The following TTC3 variants were observed in gnomAD, a reference collection of about 807,000 sequenced individuals.
TTC3 encodes the protein tetratricopeptide repeat domain 3, also known as E3 ubiquitin-protein ligase TTC3.
In TTC3, 180 loss-of-function variants were observed where a neutral mutation model predicts 249.6. That is an observed-to-expected ratio of 0.72 (90% CI 0.64 to 0.82). The LOEUF (loss-of-function observed/expected upper bound fraction) is 0.82. Among genes scored for constraint, TTC3 ranks in the 40% least tolerant of loss-of-function variants. The pLI, the probability that TTC3 is intolerant of heterozygous loss-of-function variation, is 0.00. For synonymous variants in TTC3, 717 were observed against 805.0 expected (o/e 0.89, Z 1.85); for missense variants, 2,061 against 2,398.4 (o/e 0.86, Z 2.94).
chr21:37,122,637 A>G (rs1321545696), intron 12 of TTC3, among the ~76,000 whole-genome samples: 1 of 151,830 alleles, frequency 6.6e-6, no homozygotes, highest in African/African-American at 2.4e-5. Context: ...AGCTGAGCTG[A>G]ACAGCTCTGT....
chr21:37,138,527 G>A (rs2078159486), intron 18 of TTC3, 107 bp from the exon 19 acceptor site: 16 of 675,498 alleles, frequency 2.4e-5, no homozygotes, highest in Admixed American at 1.2e-4. Context: ...TCATTGATTC[G>A]TAAGATTGAT....
Position 37,134,450 on chromosome 21 carries a change from A to G in TTC3, c.1444-930A>G, listed in dbSNP as rs921960247. On this transcript the variant is annotated intron_variant, in intron 17 of 45. Coordinates refer to ENST00000355666, the Ensembl canonical transcript of TTC3. ...GACGACAGAGCAAGACTCCATCTCA[A>G]AAAAAAAAAGCCAGCAGAAGGCTTT... 2.6e-5 allele frequency among the ~76,000 whole-genome samples: 3 copies of G among 115,088 alleles called. No homozygotes were observed. The East Asian group carries it at 6.2e-4, about 24-fold the overall frequency. 75.5% of individuals were successfully genotyped at this position (115,088 alleles called of 152,430 possible).
chr21:37,083,507 AT>A, intron 1 of TTC3: 1 of 617,942 alleles, frequency 1.6e-6, no homozygotes, highest in Non-Finnish European at 2.0e-6. Flanking sequence ...GAAGAAGTAT[AT>A]GTGTGCTAAT....
chr21:37,110,989 C>T (rs1443451191), intron 11 of TTC3, among the ~76,000 whole-genome samples: 1 of 152,192 alleles, frequency 6.6e-6, no homozygotes, highest in Non-Finnish European at 1.5e-5. Context: ...AAATACTTCA[C>T]AGACAAGCAA....
intron 11 of TTC3, among the ~76,000 whole-genome samples, chr21:37,110,380 A>G (rs547425776): frequency 4.6e-5 from 7 of 152,386 alleles, no homozygotes; most frequent in African/African-American, 1.4e-4. Flanking sequence ...GATGGAGCTG[A>G]AAACCACGGC....
chr21:37,164,807 C>T (rs757096509), intron 32 of TTC3, among the ~76,000 whole-genome samples: 19 of 152,254 alleles, frequency 1.2e-4, no homozygotes, highest in Non-Finnish European at 2.5e-4. Flanking sequence ...ATGAGGCCTT[C>T]CTTTTAAGAA....
intron 20 of TTC3, among the ~76,000 whole-genome samples, chr21:37,142,093 A>T (rs765482254): frequency 2.2e-4 from 33 of 152,202 alleles, no homozygotes; most frequent in Non-Finnish European, 4.3e-4. Context: ...TATTGATGGG[A>T]CGTATCTCAA....
intron 27 of TTC3, among the ~76,000 whole-genome samples, chr21:37,154,240 CCA>C (rs1390069507): frequency 1.3e-5 from 2 of 152,294 alleles, no homozygotes; most frequent in African/African-American, 2.4e-5. Flanking sequence ...TAGCCGCAGA[CCA>C]CAGAGTGAGG....
At chr21:37,073,422 A>G in intron 1 of TTC3, 1 of 986,584 alleles carries the variant, frequency 1.0e-6, no homozygotes, top group Non-Finnish European at 1.2e-6. Context: ...GTCCCGCTGC[A>G]GCCGAGATGC....
chr21:37,147,874 G>A (rs772355761), intron 22 of TTC3, among the ~76,000 whole-genome samples: 8 of 151,982 alleles, frequency 5.3e-5, no homozygotes, highest in Non-Finnish European at 7.4e-5. Flanking sequence ...GATTACAGGC[G>A]TGTCCCAGCA....
chr21:37,149,863 C>T (rs1384147520), intron 23 of TTC3, among the ~76,000 whole-genome samples: 1 of 152,142 alleles, frequency 6.6e-6, no homozygotes, highest in Admixed American at 6.6e-5. Context: ...TTGATGAAAA[C>T]AAGTCACATG....
At chr21:37,091,482 AGTT>A in intron 7 of TTC3, 69 bp downstream of exon 7, 1 of 1,379,434 alleles carries the variant, frequency 7.2e-7, no homozygotes, top group South Asian at 1.5e-5. Flanking sequence ...TGAGATATGT[AGTT>A]AAGTGATTTC....
rs577567855 is a variant in TTC3 at position 37,160,252 on chromosome 21, G to A, written c.3039+507G>A. Among the ~76,000 whole-genome samples, 14 of 152,254 alleles carry A rather than the reference G, an allele frequency of 9.2e-5. 1 individual carries two copies. The highest frequency in any genetic ancestry group is 3.4e-3 in the Middle Eastern group (1 of 294). On this transcript the variant is annotated intron_variant, in intron 29 of 45. Transcript: ENST00000355666. The stretch of plus-strand genomic sequence containing the variant: ...AGTAAATAGAGAAAAGCACAACATT[G>A]TGGCAGTTTTCAAAGAGAAAAATGC...
At position 37,184,133 on chromosome 21, in the gene TTC3, A is replaced by G. The variant is rs563150213; in HGVS notation, c.4757+1220A>G. On this transcript the variant is annotated intron_variant, in intron 36 of 45. Transcript: ENST00000355666. ...ATGATCAAAGTAGCTTCACTAGTAG[A>G]ACACACTTACGGAAACAATAATGTC... is the stretch of plus-strand genomic sequence containing the variant. Among the ~76,000 whole-genome samples, 4 of 152,332 alleles carry G rather than the reference A, an allele frequency of 2.6e-5. No individual in the cohort carries two copies. The East Asian group carries it at 7.7e-4, about 29-fold the overall frequency.
At chr21:37,136,648 A>T (rs1049102409) in intron 18 of TTC3, among the ~76,000 whole-genome samples, 3 of 152,252 alleles carry the variant, frequency 2.0e-5, no homozygotes, top group Admixed American at 6.5e-5. Flanking sequence ...TCCATAACAT[A>T]AAAGTGCAAG....
chr21:37,090,002 A>G (rs2073037510), intron 5 of TTC3, among the ~76,000 whole-genome samples: 1 of 150,994 alleles, frequency 6.6e-6, no homozygotes, highest in African/African-American at 2.4e-5. Context: ...AAAAAAATTC[A>G]CATGTCTAAA....
At chr21:37,076,645 AC>A (rs2146852445) in intron 1 of TTC3, among the ~76,000 whole-genome samples, 1 of 150,212 alleles carries the variant, frequency 6.7e-6, no homozygotes, top group East Asian at 2.0e-4. Flanking sequence ...GTGGAATCTT[AC>A]TATGGCATTG....
chr21:37,173,469 A>G (rs1249218214), intron 35 of TTC3, among the ~76,000 whole-genome samples: 5 of 152,214 alleles, frequency 3.3e-5, no homozygotes, highest in African/African-American at 1.2e-4. Flanking sequence ...GTGGAGGGAT[A>G]GCAATTAGTG....
chr21:37,200,269 T>C, exon 45 of TTC3: 4 of 1,614,148 alleles, frequency 2.5e-6, no homozygotes, highest in Non-Finnish European at 3.4e-6. Flanking sequence ...TGCCACGAGG[T>C]GTTCAAATCA....
Sources: allele counts gnomAD v4.1 joint callset (sites outside exome capture counted in the v4.1 genomes callset), GRCh38; gene constraint gnomAD v4.1.1; transcripts MANE v1.5; gene names NCBI Gene and HGNC (gene_info 2026-07-23, HGNC 2026-07-21).